CUX2: variants seen among roughly 807,000 people sequenced by gnomAD.
CUX2 encodes cut like homeobox 2.
A neutral mutation model predicts 144.8 loss-of-function variants in CUX2; 40 were observed. That is an observed-to-expected ratio of 0.28 (90% CI 0.21 to 0.36). CUX2 has a LOEUF of 0.36. Among genes scored for constraint, CUX2 ranks in the 10% least tolerant of loss-of-function variants. CUX2 has a pLI of 1.00. For missense variants in CUX2, 1,615 were observed against 1,994.0 expected (o/e 0.81, Z 3.62); for synonymous variants, 827 against 875.6 (o/e 0.94, Z 0.98).
intron 1 of CUX2, among the ~76,000 whole-genome samples, chr12:111,127,516 A>T (rs1053639279): frequency 1.3e-5 from 2 of 152,126 alleles, no homozygotes; most frequent in Admixed American, 1.3e-4. Context: ...TGTTGTTCAG[A>T]GGCATGAGAA....
chr12:111,275,872 A>G (rs1327645122), intron 4 of CUX2, among the ~76,000 whole-genome samples: 1 of 152,122 alleles, frequency 6.6e-6, no homozygotes, highest in Non-Finnish European at 1.5e-5. Context: ...GCCCAGGCTC[A>G]AGGTCTTGGG....
intron 1 of CUX2, among the ~76,000 whole-genome samples, chr12:111,051,031 G>A (rs1056160734): frequency 3.3e-5 from 5 of 152,102 alleles, no homozygotes; most frequent in Admixed American, 6.5e-5. Flanking sequence ...CCTGGGTGAT[G>A]GATATCCTAA....
chr12:111,295,496 A>C lies in CUX2; in HGVS notation c.637+87A>C, dbSNP rs1885926135. 2 of 1,162,192 alleles carry C rather than the reference A, an allele frequency of 1.7e-6. No homozygotes were observed. Among genetic ancestry groups the C allele is most frequent in the Middle Eastern group, 2.0e-4 (1 of 5,080 alleles). The allele number at this position is 1,162,192 out of a possible 1,614,324, so 72.0% of individuals were successfully genotyped here. On this transcript the variant is annotated intron_variant, in intron 7 of 21. Transcript: ENST00000261726. The surrounding 1 kb of genome is among the most constrained non-coding windows in gnomAD (Gnocchi z 5.0). ...GAGGGGTCACGGCTTGGGGTCTGCC[A>C]CATCCAGGTGTTTTAGAATCAAGAG...
intron 1 of CUX2, among the ~76,000 whole-genome samples, chr12:111,103,236 G>A (rs1873374559): frequency 6.6e-6 from 1 of 152,138 alleles, no homozygotes; most frequent in Admixed American, 6.5e-5. Context: ...GCTCACTGTG[G>A]CTAACGGGTG....
At chr12:111,257,216 C>CCTTCCTCCCCCTCCCCCTT (rs1883860936) in intron 3 of CUX2, among the ~76,000 whole-genome samples, 1 of 145,268 alleles carries the variant, frequency 6.9e-6, no homozygotes, top group African/African-American at 2.5e-5. Flanking sequence ...TCCTCCCTCT[C>CCTTCCTCCCCCTCCCCCTT]CTTCCTCCCC....
chr12:111,113,498 G>A (rs1448358760), intron 1 of CUX2, among the ~76,000 whole-genome samples: 1 of 151,720 alleles, frequency 6.6e-6, no homozygotes, highest in Non-Finnish European at 1.5e-5. Flanking sequence ...CAAATGTCAT[G>A]TAAATGGGAT....
chr12:111,203,788 G>A (rs1007236497), intron 1 of CUX2, among the ~76,000 whole-genome samples: 2 of 152,188 alleles, frequency 1.3e-5, no homozygotes, highest in African/African-American at 4.8e-5. Context: ...AGTGCCAGTA[G>A]AGAGCCCAGT....
chr12:111,195,454 G>A (rs920454562), intron 1 of CUX2, among the ~76,000 whole-genome samples: 24 of 152,208 alleles, frequency 1.6e-4, no homozygotes, highest in Non-Finnish European at 2.1e-4. Flanking sequence ...CCCGGCCAGC[G>A]GGGCATCACT....
intron 1 of CUX2, among the ~76,000 whole-genome samples, chr12:111,044,713 T>TA (rs1440295231): frequency 6.6e-6 from 1 of 152,214 alleles, no homozygotes; most frequent in Non-Finnish European, 1.5e-5. Flanking sequence ...GCTCAATAAA[T>TA]ATTTGATTGA....
intron 1 of CUX2, among the ~76,000 whole-genome samples, chr12:111,193,168 G>A (rs1325191687): frequency 1.3e-5 from 2 of 152,156 alleles, no homozygotes; most frequent in African/African-American, 4.8e-5. Context: ...GGATTCAAGG[G>A]AGGAAAGAGC....
intron 21 of CUX2, among the ~76,000 whole-genome samples, chr12:111,343,058 C>T (rs1052289385): frequency 1.5e-4 from 23 of 151,148 alleles, no homozygotes; most frequent in Admixed American, 8.6e-4. Context: ...GTTTGCCTTG[C>T]GTCTGCCTCA....
intron 1 of CUX2, among the ~76,000 whole-genome samples, chr12:111,043,966 C>T (rs1483861234): frequency 6.6e-6 from 1 of 152,184 alleles, no homozygotes; most frequent in Non-Finnish European, 1.5e-5. Flanking sequence ...GCTGGCCCAG[C>T]CAGGGGCAGA....
In CUX2 at chr12:111,348,420, C is replaced by T; in HGVS notation, c.*95C>T. On this transcript the variant is annotated 3_prime_UTR_variant, in exon 22 of 22. Transcript: ENST00000261726. ...GGATGGGGTAAGGGAGGGAGGAACT[C>T]AACCATCAAAATGTGGACAGCAATG... 1 of 1,177,002 alleles carries T rather than the reference C, an allele frequency of 8.5e-7. No homozygotes were observed. Among genetic ancestry groups the T allele is most frequent in the Non-Finnish European group, 1.2e-6 (1 of 833,622 alleles). 72.9% of individuals were successfully genotyped at this position (1,177,002 alleles called of 1,614,324 possible).
chr12:111,095,024 C>A (rs938072303), intron 1 of CUX2, among the ~76,000 whole-genome samples: 2 of 152,158 alleles, frequency 1.3e-5, no homozygotes, highest in African/African-American at 4.8e-5. Context: ...GTGTCTGTCT[C>A]CTCCTATTTA....
intron 2 of CUX2, 130 bp from the exon 3 acceptor site, chr12:111,217,760 C>T: frequency 1.1e-6 from 1 of 926,146 alleles, no homozygotes; most frequent in South Asian, 1.4e-5. Flanking sequence ...TTGTGAAATC[C>T]AATGGAGTTC....
chr12:111,121,975 G>C (rs767701486), intron 1 of CUX2, among the ~76,000 whole-genome samples: 1 of 151,448 alleles, frequency 6.6e-6, no homozygotes, highest in Non-Finnish European at 1.5e-5. Context: ...GTTAAATTCC[G>C]TTTCCACAGC....
At chr12:111,264,403 G>A (rs74492708) in intron 4 of CUX2, among the ~76,000 whole-genome samples, 121 of 152,254 alleles carry the variant, frequency 7.9e-4, no homozygotes, top group African/African-American at 2.8e-3. Context: ...ACAAAATGTG[G>A]CCTAGACTTA....
intron 3 of CUX2, among the ~76,000 whole-genome samples, chr12:111,242,936 G>A (rs955643587): frequency 7.9e-5 from 12 of 152,086 alleles, no homozygotes; most frequent in African/African-American, 2.2e-4. Context: ...TCCCACTTAC[G>A]AGTGTGAACA....
chr12:111,051,023 T>C (rs1050568571), intron 1 of CUX2, among the ~76,000 whole-genome samples: 2 of 152,222 alleles, frequency 1.3e-5, no homozygotes, highest in Admixed American at 1.3e-4. Context: ...TTCCAGTACC[T>C]GGGTGATGGA....
Sources: allele counts gnomAD v4.1 joint callset (sites outside exome capture counted in the v4.1 genomes callset), GRCh38; gene constraint gnomAD v4.1.1; non-coding constraint Gnocchi (gnomAD v3.1); transcripts MANE v1.5; gene names NCBI Gene and HGNC (gene_info 2026-07-23, HGNC 2026-07-21).